ERBB4: variants seen among roughly 807,000 people sequenced by gnomAD.
ERBB4 encodes the protein erb-b2 receptor tyrosine kinase 4.
In ERBB4, 42 loss-of-function variants were observed where a neutral mutation model predicts 158.0. The observed-to-expected ratio is 0.27, with a 90% confidence interval of 0.21 to 0.34. The LOEUF (loss-of-function observed/expected upper bound fraction) is 0.34, where lower values mean the gene tolerates loss of function less well. ERBB4 is among the 10% of genes least tolerant of loss of function. ERBB4 has a pLI of 1.00. For missense variants in ERBB4, 1,333 were observed against 1,624.1 expected (o/e 0.82, Z 3.08); for synonymous variants, 583 against 558.7 (o/e 1.04, Z -0.61).
Position 211,465,760 on chromosome 2 carries a change from G to A in ERBB4, c.2488-34660C>T, listed in dbSNP as rs574533966. ...CGGTCGAGAGTAGCCAACCCACTAC[G>A]AGAAAATTCTGAATTCTTATTCTGT... On this transcript the variant is annotated intron_variant, in intron 20 of 27. Coordinates refer to ENST00000342788, the MANE Select transcript of ERBB4 (RefSeq NM_005235.3). Among the ~76,000 whole-genome samples, 53 of 152,226 alleles carry A rather than the reference G, an allele frequency of 3.5e-4. 1 individual carries two copies. The highest frequency in any genetic ancestry group is 1.2e-3 in the African/African-American group (50 of 41,546).
chr2:211,475,778 A>G (rs2064938390), intron 20 of ERBB4, among the ~76,000 whole-genome samples: 1 of 152,098 alleles, frequency 6.6e-6, no homozygotes, highest in South Asian at 2.1e-4. Context: ...TGAAGATAAT[A>G]AAATAACTAT....
At chr2:211,459,584 A>C (rs559055511) in intron 20 of ERBB4, among the ~76,000 whole-genome samples, 8 of 152,236 alleles carry the variant, frequency 5.3e-5, no homozygotes, top group Admixed American at 2.6e-4. Context: ...GTAGTGAATA[A>C]ATCTCACGAG....
chr2:211,679,022 A>T (rs373694752), intron 13 of ERBB4, 30 bp downstream of exon 13: 30 of 1,506,094 alleles, frequency 2.0e-5, no homozygotes, highest in Non-Finnish European at 2.8e-5. Context: ...AAAGCTCATG[A>T]GGTGAAGGCA....
At chr2:212,207,899 A>T (rs2082814251) in intron 1 of ERBB4, among the ~76,000 whole-genome samples, 1 of 152,070 alleles carries the variant, frequency 6.6e-6, no homozygotes, top group Admixed American at 6.5e-5. Context: ...TTTTCTAAAA[A>T]GTATATGATC....
intron 5 of ERBB4, among the ~76,000 whole-genome samples, chr2:211,734,935 G>A (rs1270132883): frequency 9.0e-6 from 1 of 110,976 alleles, no homozygotes; most frequent in Non-Finnish European, 1.8e-5. Context: ...AAAAAAAGAC[G>A]GATTGTTCTC....
intron 1 of ERBB4, among the ~76,000 whole-genome samples, chr2:212,174,633 T>G (rs2081607489): frequency 6.6e-6 from 1 of 152,052 alleles, no homozygotes; most frequent in African/African-American, 2.4e-5. Context: ...TATTTCTGCT[T>G]GAAGCAGTTC....
chr2:212,340,639 G>T (rs1251611486), intron 1 of ERBB4, among the ~76,000 whole-genome samples: 1 of 152,118 alleles, frequency 6.6e-6, no homozygotes, highest in African/African-American at 2.4e-5. Context: ...CTGACAGGTA[G>T]GCAGTCTCAC....
chr2:211,443,863 G>A (rs1178335932), intron 20 of ERBB4, among the ~76,000 whole-genome samples: 2 of 152,074 alleles, frequency 1.3e-5, no homozygotes, highest in Admixed American at 1.3e-4. Flanking sequence ...GAACAGTTAA[G>A]AGTAAAACTC....
At chr2:211,820,631 C>G (rs146256628) in intron 3 of ERBB4, among the ~76,000 whole-genome samples, 6 of 151,670 alleles carry the variant, frequency 4.0e-5, no homozygotes, top group African/African-American at 1.4e-4. Flanking sequence ...CACAGTAAAA[C>G]AAGAAAACTT....
At chr2:211,764,739 G>A (rs1575112839) in intron 4 of ERBB4, among the ~76,000 whole-genome samples, 1 of 151,754 alleles carries the variant, frequency 6.6e-6, no homozygotes, top group African/African-American at 2.4e-5. Flanking sequence ...AGCCATTTGG[G>A]ACAAAGGAGG....
chr2:212,060,514 T>C (rs2077726356), intron 2 of ERBB4, among the ~76,000 whole-genome samples: 1 of 150,012 alleles, frequency 6.7e-6, no homozygotes, highest in Non-Finnish European at 1.5e-5. Flanking sequence ...TGCACACGTA[T>C]GTTTATTGCG....
chr2:212,197,541 G>A (rs146176591), intron 1 of ERBB4, among the ~76,000 whole-genome samples: 13 of 152,030 alleles, frequency 8.6e-5, no homozygotes, highest in Admixed American at 2.0e-4. Flanking sequence ...TATTTGGCTC[G>A]TACCATAAAT....
chr2:212,265,297 A>T (rs1002942465), intron 1 of ERBB4, among the ~76,000 whole-genome samples: 2 of 152,154 alleles, frequency 1.3e-5, no homozygotes, highest in African/African-American at 4.8e-5. Flanking sequence ...AAAATGAAGC[A>T]ATCATTTTAT....
At chr2:212,349,063 T>C (rs1024360199) in intron 1 of ERBB4, among the ~76,000 whole-genome samples, 4 of 152,100 alleles carry the variant, frequency 2.6e-5, no homozygotes, top group African/African-American at 9.7e-5. Context: ...AAGGATATAA[T>C]GATTTGTGTC....
chr2:211,732,382 C>A (rs1450864048), intron 5 of ERBB4, among the ~76,000 whole-genome samples: 2 of 151,390 alleles, frequency 1.3e-5, no homozygotes, highest in African/African-American at 4.8e-5. Context: ...TTAGACCTAG[C>A]AAAATGGAAT....
At chr2:212,245,640 A>G (rs867321300) in intron 1 of ERBB4, among the ~76,000 whole-genome samples, 23 of 152,276 alleles carry the variant, frequency 1.5e-4, no homozygotes, top group African/African-American at 4.6e-4. Context: ...CCCATTATGG[A>G]AAAACATCCT....
chr2:211,414,549 A>C (rs1218757068), intron 25 of ERBB4, among the ~76,000 whole-genome samples: 3 of 151,768 alleles, frequency 2.0e-5, no homozygotes, highest in Non-Finnish European at 4.4e-5. Context: ...AAAGAAAGAA[A>C]ATACAATTTT....
intron 3 of ERBB4, among the ~76,000 whole-genome samples, chr2:211,908,272 C>A (rs945836536): frequency 1.3e-5 from 2 of 151,714 alleles, no homozygotes; most frequent in Admixed American, 1.3e-4. Context: ...TTATGTTCTG[C>A]AATTAGTTGA....
intron 4 of ERBB4, among the ~76,000 whole-genome samples, chr2:211,765,028 A>T (rs2075517648): frequency 6.6e-6 from 1 of 152,216 alleles, no homozygotes; most frequent in Admixed American, 6.5e-5. Context: ...AATAACAGTC[A>T]GGGTGGAGGG....
Sources: gnomAD v4.1 joint callset for allele counts (sites outside exome capture counted in the v4.1 genomes callset) on GRCh38, gnomAD v4.1.1 for gene constraint, MANE v1.5 for transcripts, NCBI Gene and HGNC (gene_info 2026-07-23, HGNC 2026-07-21) for gene names.